Variants in DGKB observed in about 807,000 individuals in gnomAD.
DGKB encodes 90 kDa diacylglycerol kinase.
Under a neutral mutation model 114.3 loss-of-function variants are expected in DGKB, and 67 were observed. The ratio of observed to expected loss-of-function variants is 0.59; its 90% CI spans 0.48 to 0.72. The LOEUF is 0.72. DGKB is among the 30% of genes least tolerant of loss of function. The pLI, the probability that DGKB is intolerant of heterozygous loss-of-function variation, is 0.00. For synonymous variants in DGKB, 398 were observed against 323.1 expected (o/e 1.23, Z -2.49); for missense variants, 907 against 975.2 (o/e 0.93, Z 0.93).
intron 1 of DGKB, among the ~76,000 whole-genome samples, chr7:14,887,917 C>T (rs543808695): frequency 6.6e-6 from 1 of 151,690 alleles, no homozygotes; most frequent in Non-Finnish European, 1.5e-5. Flanking sequence ...CAATCACTGT[C>T]GCTACACTGA....
chr7:14,286,429 G>T (rs1280926366), intron 23 of DGKB, among the ~76,000 whole-genome samples: 2 of 152,136 alleles, frequency 1.3e-5, no homozygotes, highest in East Asian at 1.9e-4. Context: ...GGGTACTAAA[G>T]TCTGCTCTAA....
intron 1 of DGKB, among the ~76,000 whole-genome samples, chr7:14,852,757 T>A (rs1427252056): frequency 6.6e-6 from 1 of 152,120 alleles, no homozygotes; most frequent in East Asian, 1.9e-4. Context: ...CTATCTGACC[T>A]GGGGCTTTTT....
intron 2 of DGKB, among the ~76,000 whole-genome samples, chr7:14,800,072 G>A (rs772894800): frequency 1.3e-5 from 2 of 151,852 alleles, no homozygotes; most frequent in South Asian, 2.1e-4. Flanking sequence ...GTACACCACC[G>A]CGCCTGGCTA....
At chr7:14,566,107 A>C in intron 20 of DGKB, among the ~76,000 whole-genome samples, 1 of 152,158 alleles carries the variant, frequency 6.6e-6, no homozygotes, top group Non-Finnish European at 1.5e-5. Flanking sequence ...TGGAAAGTAT[A>C]ATTTTAAAAA....
chr7:14,652,903 A>C (rs1814896527), intron 13 of DGKB, among the ~76,000 whole-genome samples: 1 of 152,150 alleles, frequency 6.6e-6, no homozygotes, highest in African/African-American at 2.4e-5. Context: ...CACATGAAAA[A>C]ATGCTCATCA....
At chr7:14,761,713 C>G (rs1835722545) in intron 2 of DGKB, among the ~76,000 whole-genome samples, 1 of 152,166 alleles carries the variant, frequency 6.6e-6, no homozygotes, top group Non-Finnish European at 1.5e-5. Context: ...CTGAGCAATG[C>G]TGAGAAATCC....
At chr7:14,156,601 C>T (rs1783064256) in intron 25 of DGKB, among the ~76,000 whole-genome samples, 1 of 152,140 alleles carries the variant, frequency 6.6e-6, no homozygotes, top group Non-Finnish European at 1.5e-5. Flanking sequence ...AACTCTTTGG[C>T]TACACAAAAA....
intron 4 of DGKB, among the ~76,000 whole-genome samples, chr7:14,739,461 G>A (rs952373330): frequency 6.6e-6 from 1 of 152,158 alleles, no homozygotes; most frequent in Non-Finnish European, 1.5e-5. Flanking sequence ...TTGTGAGGTG[G>A]AAACCCGAAT....
chr7:14,182,715 G>A (rs1335427194), intron 23 of DGKB, among the ~76,000 whole-genome samples: 1 of 152,108 alleles, frequency 6.6e-6, no homozygotes, highest in Non-Finnish European at 1.5e-5. Flanking sequence ...GAGGACACAC[G>A]AGCAGCTCAG....
chr7:14,244,053 GGGA>G (rs1314828393), intron 23 of DGKB, among the ~76,000 whole-genome samples: 3 of 139,528 alleles, frequency 2.2e-5, no homozygotes, highest in Non-Finnish European at 1.6e-5. Context: ...GAGAGAGAGA[GGGA>G]GAGAGAGAGA....
chr7:14,549,646 G>A (rs1286979624), intron 20 of DGKB, among the ~76,000 whole-genome samples: 1 of 152,062 alleles, frequency 6.6e-6, no homozygotes, highest in African/African-American at 2.4e-5. Flanking sequence ...ATTTAAGTCT[G>A]AACATTTAAA....
chr7:14,773,022 T>C (rs1837643374), intron 2 of DGKB, among the ~76,000 whole-genome samples: 2 of 152,210 alleles, frequency 1.3e-5, no homozygotes, highest in Non-Finnish European at 2.9e-5. Flanking sequence ...CTATGTTGCT[T>C]TGTTAAGAGT....
rs929449893 is a variant in DGKB at position 14,583,280 on chromosome 7, C to G, written c.1434-143G>C. ...ATATCTCAGTGATAACTTACATATCCTTTAATCCTATTTTATAATTATATA... is the reference window on the plus strand; with the variant it reads ...ATATCTCAGTGATAACTTACATATCGTTTAATCCTATTTTATAATTATATA... On this transcript the variant is annotated intron_variant, in intron 17 of 25. Transcript: ENST00000402815. 5 of 488,124 alleles carry G rather than the reference C, an allele frequency of 1.0e-5. No homozygotes were observed. The Admixed American group carries it at 1.5e-4, about 15-fold the overall frequency. 30.2% of individuals were successfully genotyped at this position (488,124 alleles called of 1,614,324 possible).
At chr7:14,931,677 C>T (rs1209417094) in intron 1 of DGKB, among the ~76,000 whole-genome samples, 1 of 152,110 alleles carries the variant, frequency 6.6e-6, no homozygotes, top group South Asian at 2.1e-4. Flanking sequence ...CTAGTCCCAA[C>T]ATGGATTCCT....
intron 23 of DGKB, among the ~76,000 whole-genome samples, chr7:14,287,972 A>C: frequency 6.6e-6 from 1 of 152,162 alleles, no homozygotes; most frequent in Admixed American, 6.6e-5. Context: ...ACTGGACCAT[A>C]TAATGGAGAG....
chr7:14,293,420 T>C (rs1802068097), intron 23 of DGKB, among the ~76,000 whole-genome samples: 1 of 152,184 alleles, frequency 6.6e-6, no homozygotes, highest in Non-Finnish European at 1.5e-5. Context: ...TTGTCTTCTT[T>C]CTTTACAAAA....
intron 12 of DGKB, among the ~76,000 whole-genome samples, chr7:14,673,737 T>C (rs182890888): frequency 4.3e-4 from 65 of 152,168 alleles, no homozygotes; most frequent in Non-Finnish European, 1.0e-4. Flanking sequence ...GTGTTTTAAA[T>C]AGTGATGTTT....
chr7:14,891,702 T>A (rs1238114070), intron 1 of DGKB, among the ~76,000 whole-genome samples: 1 of 151,396 alleles, frequency 6.6e-6, no homozygotes, highest in Non-Finnish European at 1.5e-5. Flanking sequence ...TTCAAATGCC[T>A]CAATGCTAGT....
chr7:14,344,885 A>G (rs1025836751), intron 22 of DGKB, among the ~76,000 whole-genome samples: 1 of 151,684 alleles, frequency 6.6e-6, no homozygotes, highest in African/African-American at 2.4e-5. Context: ...TATACTTTTT[A>G]ACCTTTATTC....
Sources: allele counts gnomAD v4.1 joint callset (sites outside exome capture counted in the v4.1 genomes callset), GRCh38; gene constraint gnomAD v4.1.1; transcripts MANE v1.5; gene names NCBI Gene and HGNC (gene_info 2026-07-23, HGNC 2026-07-21).